RORA: variants seen among roughly 807,000 people sequenced by gnomAD.
RORA encodes RAR related orphan receptor A.
In RORA, 7 loss-of-function variants were observed where a neutral mutation model predicts 69.5. The ratio of observed to expected loss-of-function variants is 0.10; its 90% CI spans 0.06 to 0.19. The LOEUF (loss-of-function observed/expected upper bound fraction) is 0.19, where lower values mean the gene tolerates loss of function less well. RORA is among the 10% of genes least tolerant of loss of function. The pLI, the probability that RORA is intolerant of heterozygous loss-of-function variation, is 1.00. For missense variants in RORA, 457 were observed against 663.0 expected, an observed-to-expected ratio of 0.69 and a Z score of 3.41; for synonymous variants, 261 against 240.8, an observed-to-expected ratio of 1.08 and a Z score of -0.78.
intron 1 of RORA, among the ~76,000 whole-genome samples, chr15:60,751,640 C>CT (rs1372008193): frequency 6.6e-6 from 1 of 152,204 alleles, no homozygotes; most frequent in Non-Finnish European, 1.5e-5. Context: ...ACTGCAGACT[C>CT]TGACTCCAGC....
chr15:60,588,888 A>G (rs932059852), intron 2 of RORA, among the ~76,000 whole-genome samples: 4 of 152,232 alleles, frequency 2.6e-5, no homozygotes, highest in African/African-American at 7.2e-5. Flanking sequence ...TGAAATATAT[A>G]AAATCAAGAG....
intron 1 of RORA, among the ~76,000 whole-genome samples, chr15:61,125,540 T>A (rs2079136048): frequency 6.6e-6 from 1 of 152,240 alleles, no homozygotes; most frequent in South Asian, 2.1e-4. Context: ...GTTCGTTAGA[T>A]CACAATGAAT....
At chr15:60,517,463 TTTTTA>T (rs58528279) in intron 3 of RORA, among the ~76,000 whole-genome samples, 10 of 151,780 alleles carry the variant, frequency 6.6e-5, no homozygotes, top group African/African-American at 1.5e-4. Context: ...AAAGCTATGT[TTTTTA>T]TTTTATTTTA....
chr15:60,882,033 G>A (rs1266896901), intron 1 of RORA, among the ~76,000 whole-genome samples: 4 of 152,136 alleles, frequency 2.6e-5, no homozygotes, highest in Admixed American at 6.5e-5. Context: ...CACGTGTTGC[G>A]GAACTGTCCC....
At chr15:60,717,600 A>T (rs572169134) in intron 1 of RORA, among the ~76,000 whole-genome samples, 10 of 152,182 alleles carry the variant, frequency 6.6e-5, no homozygotes, top group African/African-American at 2.4e-4. Context: ...CATCACTCCT[A>T]AATTGGTATA....
intron 1 of RORA, among the ~76,000 whole-genome samples, chr15:60,694,525 A>G (rs1017530213): frequency 1.5e-4 from 23 of 152,158 alleles, no homozygotes; most frequent in African/African-American, 5.1e-4. Flanking sequence ...TCGATGGTGT[A>G]TTGTTGTGCA....
chr15:60,688,059 A>G (rs1230181041), intron 1 of RORA, among the ~76,000 whole-genome samples: 1 of 152,242 alleles, frequency 6.6e-6, no homozygotes, highest in Non-Finnish European at 1.5e-5. Flanking sequence ...AATATTATTT[A>G]TATCAGCAAA....
intron 1 of RORA, among the ~76,000 whole-genome samples, chr15:60,773,408 A>C (rs11637671): frequency 9.6e-4 from 146 of 152,092 alleles, no homozygotes; most frequent in African/African-American, 3.4e-3. Context: ...TTAGCTCTAC[A>C]TACTTCAGTG....
chr15:60,629,189 T>A lies in RORA; in HGVS notation c.196+49468A>T, dbSNP rs994133082. Among the ~76,000 whole-genome samples the A allele has an allele frequency of 1.2e-4, 17 of 138,268 alleles. 1 individual carries two copies. In the East Asian group the frequency reaches 3.6e-3, roughly 29 times the overall value. The allele number at this position is 138,268 out of a possible 152,430, so 90.7% of individuals were successfully genotyped here. Reference sequence around the variant, plus strand: ...TTTATAAGGATTGACTGTTTATTCTTTTTTTTTTTTTTTTTTGAAACAGAG... The same window carrying A: ...TTTATAAGGATTGACTGTTTATTCTATTTTTTTTTTTTTTTTGAAACAGAG... On this transcript the variant is annotated intron_variant, in intron 2 of 10. Coordinates refer to ENST00000335670, the MANE Select transcript of RORA (RefSeq NM_134261.3).
At chr15:60,858,692 TACACACACACACAC>T (rs3053884) in intron 1 of RORA, among the ~76,000 whole-genome samples, 2 of 142,818 alleles carry the variant, frequency 1.4e-5, no homozygotes, top group Non-Finnish European at 3.0e-5. Flanking sequence ...AGAAAGAAAA[TACACACACACACAC>T]ACACACACAC....
chr15:60,499,418 G>T (rs2065263201), intron 10 of RORA, among the ~76,000 whole-genome samples: 2 of 152,140 alleles, frequency 1.3e-5, no homozygotes, highest in African/African-American at 2.4e-5. Flanking sequence ...TATACCTGTA[G>T]TCTTAGCTAC....
chr15:60,911,684 G>C (rs1891722113), intron 1 of RORA, among the ~76,000 whole-genome samples: 2 of 147,796 alleles, frequency 1.4e-5, no homozygotes, highest in African/African-American at 5.0e-5. Context: ...AGAGAAAAGT[G>C]TCAGGTAACG....
At chr15:60,904,298 G>C (rs138190369) in intron 1 of RORA, among the ~76,000 whole-genome samples, 325 of 152,318 alleles carry the variant, frequency 2.1e-3, no homozygotes, top group African/African-American at 6.2e-3. Flanking sequence ...AGTAAGGAGA[G>C]AGTCTTTTCC....
chr15:60,845,898 C>T (rs2073259494), intron 1 of RORA, among the ~76,000 whole-genome samples: 1 of 152,156 alleles, frequency 6.6e-6, no homozygotes, highest in East Asian at 1.9e-4. Context: ...AGGTGCCTGC[C>T]ACCACACCCG....
intron 1 of RORA, among the ~76,000 whole-genome samples, chr15:61,134,751 C>T (rs2079220900): frequency 6.6e-6 from 1 of 152,070 alleles, no homozygotes; most frequent in Admixed American, 6.6e-5. Context: ...ATGACACAAG[C>T]AAGCATCTGA....
chr15:60,697,854 C>T (rs1445316393), intron 1 of RORA, among the ~76,000 whole-genome samples: 4 of 152,128 alleles, frequency 2.6e-5, no homozygotes, highest in East Asian at 3.8e-4. Flanking sequence ...ATCTCATTCA[C>T]GGCTCCTCTG....
At chr15:60,737,924 T>A (rs947786658) in intron 1 of RORA, among the ~76,000 whole-genome samples, 4 of 152,240 alleles carry the variant, frequency 2.6e-5, no homozygotes, top group Non-Finnish European at 5.9e-5. Flanking sequence ...CTTTTATGGA[T>A]TTTAACTGAG....
chr15:60,803,337 A>T (rs2072613951), intron 1 of RORA, among the ~76,000 whole-genome samples: 1 of 152,178 alleles, frequency 6.6e-6, no homozygotes, highest in Non-Finnish European at 1.5e-5. Context: ...TCACTCAGGG[A>T]AGGGGGATGG....
At chr15:61,014,478 A>G (rs1249882342) in intron 1 of RORA, among the ~76,000 whole-genome samples, 1 of 152,136 alleles carries the variant, frequency 6.6e-6, no homozygotes, top group Non-Finnish European at 1.5e-5. Context: ...TTGAACTTCA[A>G]CTTGCTTTTG....
Sources: allele counts gnomAD v4.1 joint callset (sites outside exome capture counted in the v4.1 genomes callset), GRCh38; gene constraint gnomAD v4.1.1; transcripts MANE v1.5; gene names NCBI Gene and HGNC (gene_info 2026-07-23, HGNC 2026-07-21).